Variants in ITGA7 observed in about 807,000 individuals in gnomAD.
ITGA7 encodes the protein integrin subunit alpha 7.
Under a neutral mutation model 131.6 loss-of-function variants are expected in ITGA7, and 84 were observed. The observed-to-expected ratio is 0.64, with a 90% confidence interval of 0.54 to 0.77. ITGA7 has a LOEUF of 0.77. ITGA7 is among the 30% of genes least tolerant of loss of function. The pLI is 0.00. For missense variants in ITGA7, 1,399 were observed against 1,482.9 expected (o/e 0.94, Z 0.93); for synonymous variants, 548 against 600.7 (o/e 0.91, Z 1.28).
At chr12:55,695,929 G>A (rs1872541074) in intron 13 of ITGA7, among the ~76,000 whole-genome samples, 2 of 152,020 alleles carry the variant, frequency 1.3e-5, no homozygotes, top group Admixed American at 1.3e-4. Context: ...ATTTAGAACG[G>A]GAAAAGATGT....
intron 3 of ITGA7, chr12:55,701,524 G>GT (rs1874018301): frequency 9.7e-7 from 1 of 1,029,502 alleles, no homozygotes; most frequent in Non-Finnish European, 1.5e-6. Context: ...CTGGACCTTT[G>GT]TAAGTGTCAC....
intron 20 of ITGA7, 46 bp downstream of exon 20, chr12:55,693,095 T>A (rs779161418): frequency 1.7e-5 from 27 of 1,611,380 alleles, no homozygotes; most frequent in Non-Finnish European, 2.2e-5. Context: ...TTACTCCCCA[T>A]AACATCTGTC....
chr12:55,695,384 C>T, intron 14 of ITGA7, 138 bp downstream of exon 14: 2 of 684,970 alleles, frequency 2.9e-6, no homozygotes, highest in South Asian at 3.5e-5. Flanking sequence ...GTCTCCAAGT[C>T]CATCGGCAGG....
At chr12:55,703,224 C>A in intron 1 of ITGA7, 46 bp from the exon 2 acceptor site, 1 of 1,596,154 alleles carries the variant, frequency 6.3e-7, no homozygotes, top group South Asian at 1.1e-5. Flanking sequence ...AGTTAGAGGT[C>A]AGAATGACCC....
rs893358513 is a variant in ITGA7, at chr12:55,695,645, G to C, written c.1888-8C>G. 1 of 1,602,464 alleles carries C rather than the reference G, an allele frequency of 6.2e-7. No individual in the cohort carries two copies. The highest frequency in any genetic ancestry group is 1.7e-4 in the Middle Eastern group (1 of 6,040). ...TTGCTTCAGGAAGTGGATCTGGGGA[G>C]AGACATGAGATAAGGGGCATTCCTA... is the stretch of plus-strand genomic sequence containing the variant. On this transcript the variant is annotated splice_polypyrimidine_tract_variant and splice_region_variant and intron_variant, in intron 13 of 24. Transcript: ENST00000257879.
At chr12:55,693,112 T>C (rs906693314) in intron 20 of ITGA7, 29 bp downstream of exon 20, 23 of 1,612,772 alleles carry the variant, frequency 1.4e-5, no homozygotes, top group African/African-American at 2.7e-5. Context: ...TGTCCCCACA[T>C]CTAACCCCCA....
At chr12:55,705,379 A>G (rs139020334) in intron 1 of ITGA7, among the ~76,000 whole-genome samples, 2,273 of 150,248 alleles carry the variant, frequency 0.015, 60 homozygotes, top group African/African-American at 0.054. Flanking sequence ...AGCAAAAAAA[A>G]AAAAAAAAAA....
In ITGA7 at chr12:55,694,891, G is replaced by A. The variant is rs1262014447; in HGVS notation, c.2083C>T (p.Pro695Ser). The change falls in exon 15 of 25, where the codon CCA becomes TCA. Residue 695 changes from proline to serine, a missense_variant. Pro to Ser is a moderately conservative substitution (Grantham distance 74). Transcript: ENST00000257879. The surrounding 1 kb of genome is among the most constrained non-coding windows in gnomAD (Gnocchi z 5.3). ...IGLELMVTNL[P>S]SDPAQPQADG... ...GCCTGGGGCTGGGCTGGGTCCGATG[G>A]CAGGTTGGTGACCATCAGCTCCAGG... 2 of 1,614,052 alleles carry A rather than the reference G, an allele frequency of 1.2e-6. No individual in the cohort carries two copies. The highest frequency in any genetic ancestry group is 2.7e-5 in the African/African-American group (2 of 75,028).
chr12:55,686,755 G>A (rs1168484553), intron 24 of ITGA7, among the ~76,000 whole-genome samples: 1 of 152,192 alleles, frequency 6.6e-6, no homozygotes, highest in Admixed American at 6.5e-5. Context: ...TACAGCTCTG[G>A]GTGTACAAGA....
At position 55,707,460 on chromosome 12, in the gene ITGA7, C is replaced by A. The variant is rs773074252; in HGVS notation, c.206+17G>T. 70 of 1,602,190 alleles carry A rather than the reference C, an allele frequency of 4.4e-5. No homozygotes were observed. Among genetic ancestry groups the A allele is most frequent in the Non-Finnish European group, 5.6e-5 (65 of 1,170,144 alleles). On this transcript the variant is annotated intron_variant, in intron 1 of 24. Coordinates refer to ENST00000257879, the MANE Select transcript of ITGA7 (RefSeq NM_002206.3). ...GTGGCTCGGGCATGGCGACTCTGGG[C>A]GGGTGCGGTGACTCACCAGCTCTGG... is the stretch of plus-strand genomic sequence containing the variant.
At chr12:55,705,631 G>A (rs766919036) in intron 1 of ITGA7, among the ~76,000 whole-genome samples, 5 of 152,240 alleles carry the variant, frequency 3.3e-5, no homozygotes, top group Non-Finnish European at 5.9e-5. Context: ...TCTGTAAGGC[G>A]CTCTGTGAAT....
In ITGA7 at chr12:55,688,896, C is replaced by G; in HGVS notation, c.2906G>C (p.Arg969Pro). 1.2e-6 allele frequency: 2 copies of G among 1,614,008 alleles called. No individual in the cohort carries two copies. Among genetic ancestry groups the G allele is most frequent in the South Asian group, 2.2e-5 (2 of 91,072 alleles). The part of the protein sequence containing the change: ...VFSCPLYSFD[R>P]AAVLHVWGRL... The stretch of plus-strand genomic sequence containing the variant: ...GCCCCAGACATGCAGCACAGCCGCG[C>G]GGTCAAAGCTGTAGAGTGGGCAGCT... The change falls in exon 22 of 25, where the codon CGC becomes CCC. Residue 969 changes from arginine to proline, a missense_variant. Arg to Pro is a moderately radical substitution (Grantham distance 103). Coordinates refer to ENST00000257879, the MANE Select transcript of ITGA7 (RefSeq NM_002206.3).
At position 55,695,597 on chromosome 12, in the gene ITGA7, C is replaced by T. The variant is rs748345970; in HGVS notation, c.1928G>A (p.Cys643Tyr). The change falls in exon 14 of 25, where the codon TGC becomes TAC. Residue 643 changes from cysteine to tyrosine, a missense_variant. By Grantham distance (194) the Cys-to-Tyr change is radical. Coordinates refer to ENST00000257879, the MANE Select transcript of ITGA7 (RefSeq NM_002206.3). ...GCGGACCAGCTGCAGATTGCTCTGG[C>T]AGATCTTGTCTTCACCACAGCCTTG... The part of the protein sequence containing the change: ...LKQGCGEDKI[C>Y]QSNLQLVRAR... 3.1e-6 allele frequency: 5 copies of T among 1,613,936 alleles called. No homozygotes were observed. The East Asian group carries it at 6.7e-5, about 22-fold the overall frequency.
chr12:55,712,173 A>G (rs1250299505), upstream of ITGA7: 4 of 1,551,310 alleles, frequency 2.6e-6, no homozygotes, highest in Admixed American at 2.0e-5. Context: ...GAGGGAATTC[A>G]GTGGGGAAAC....
In ITGA7 at chr12:55,684,720, T is replaced by C; in HGVS notation, c.*338A>G. ...TCCCCGACCCTCTAGGTTAAGGCAC[T>C]TCCGGGGAGGCAGGTCCTTGGGGTC... On this transcript the variant is annotated 3_prime_UTR_variant, in exon 25 of 25. Transcript: ENST00000257879. The C allele has an allele frequency of 3.2e-6, 1 of 309,776 alleles. No individual in the cohort carries two copies. Among genetic ancestry groups the C allele is most frequent in the Non-Finnish European group, 6.0e-6 (1 of 167,634 alleles). The allele number at this position is 309,776 out of a possible 1,614,324, so 19.2% of individuals were successfully genotyped here.
At chr12:55,708,568 A>G (rs1875711223), upstream of ITGA7, among the ~76,000 whole-genome samples, 2 of 151,756 alleles carry the variant, frequency 1.3e-5, no homozygotes, top group African/African-American at 4.8e-5. Flanking sequence ...AAAGGAATAG[A>G]GAGGAAGAAA....
At chr12:55,690,690 C>T (rs1188096317) in intron 21 of ITGA7, among the ~76,000 whole-genome samples, 11 of 145,608 alleles carry the variant, frequency 7.6e-5, no homozygotes, top group African/African-American at 2.8e-4. Context: ...TATTGCGGCA[C>T]TATTCACAAT....
intron 1 of ITGA7, among the ~76,000 whole-genome samples, chr12:55,704,299 G>C (rs565143059): frequency 1.3e-5 from 2 of 152,316 alleles, no homozygotes; most frequent in African/African-American, 4.8e-5. Flanking sequence ...ATGGGGTGGA[G>C]GGGGAGGGCA....
chr12:55,688,785 G>C (rs1277199151), intron 22 of ITGA7, 59 bp downstream of exon 22: 5 of 1,265,830 alleles, frequency 3.9e-6, no homozygotes. Flanking sequence ...GGAGAAATGA[G>C]TCCTGGAGGG....
Sources: allele counts gnomAD v4.1 joint callset (sites outside exome capture counted in the v4.1 genomes callset), GRCh38; gene constraint gnomAD v4.1.1; non-coding constraint Gnocchi (gnomAD v3.1); transcripts MANE v1.5; gene names NCBI Gene and HGNC (gene_info 2026-07-23, HGNC 2026-07-21).